The following DLGAP2 variants were observed in gnomAD, a reference collection of about 807,000 sequenced individuals.
DLGAP2 encodes DLG associated protein 2.
Under a neutral mutation model 100.3 loss-of-function variants are expected in DLGAP2, and 26 were observed. The ratio of observed to expected loss-of-function variants is 0.26; its 90% confidence interval spans 0.19 to 0.36. The LOEUF (loss-of-function observed/expected upper bound fraction) is 0.36, where lower values mean the gene tolerates loss of function less well. DLGAP2 is among the 10% of genes least tolerant of loss of function. The pLI, the probability that DLGAP2 is intolerant of heterozygous loss-of-function variation, is 1.00. For synonymous variants in DLGAP2, 886 were observed against 630.1 expected, an observed-to-expected ratio of 1.41 and a Z score of -6.08; for missense variants, 1,858 against 1,453.2, an observed-to-expected ratio of 1.28 and a Z score of -4.53.
At chr8:836,912 G>A (rs1401312164) in intron 1 of DLGAP2, among the ~76,000 whole-genome samples, 1 of 152,200 alleles carries the variant, frequency 6.6e-6, no homozygotes, top group Admixed American at 6.5e-5. Context: ...CTCTGCCAGC[G>A]CACATGCACA....
intron 1 of DLGAP2, among the ~76,000 whole-genome samples, chr8:810,441 G>A (rs1314166668): frequency 2.0e-5 from 3 of 152,226 alleles, no homozygotes; most frequent in Non-Finnish European, 4.4e-5. Flanking sequence ...ATATGAAGTT[G>A]TAAGTGCCTA....
At chr8:1,344,583 T>C (rs1009709741) in intron 3 of DLGAP2, among the ~76,000 whole-genome samples, 6 of 152,172 alleles carry the variant, frequency 3.9e-5, no homozygotes, top group African/African-American at 1.4e-4. Flanking sequence ...ATTCCTATGA[T>C]AGACTAAGAG....
intron 3 of DLGAP2, among the ~76,000 whole-genome samples, chr8:1,440,037 G>T (rs1306617484): frequency 6.6e-6 from 1 of 152,194 alleles, no homozygotes; most frequent in East Asian, 1.9e-4. Flanking sequence ...AGATACAGAT[G>T]TGGTTTAAAG....
At chr8:747,735 G>GGGGGGCTCTGCGGTGGGAT (rs1554554641) in intron 1 of DLGAP2, among the ~76,000 whole-genome samples, 1 of 27,748 alleles carries the variant, frequency 3.6e-5, no homozygotes. Flanking sequence ...GCGGTGGGAT[G>GGGGGGCTCTGCGGTGGGAT]GGGGGGCTCT....
At chr8:971,898 AG>A (rs1290791601) in intron 2 of DLGAP2, among the ~76,000 whole-genome samples, 4 of 152,188 alleles carry the variant, frequency 2.6e-5, no homozygotes, top group Non-Finnish European at 5.9e-5. Context: ...GTTGCAGCCC[AG>A]GGGTACAGGC....
intron 2 of DLGAP2, among the ~76,000 whole-genome samples, chr8:997,791 A>G (rs1800822415): frequency 6.6e-6 from 1 of 152,204 alleles, no homozygotes; most frequent in South Asian, 2.1e-4. Context: ...CTCTACCACA[A>G]AAAGTTAAAT....
intron 2 of DLGAP2, chr8:910,467 G>A (rs1362533732): frequency 6.6e-6 from 1 of 152,220 alleles, no homozygotes; most frequent in Non-Finnish European, 1.5e-5. Context: ...TCAGAAAAGT[G>A]TGTTTGTTGG....
intron 3 of DLGAP2, among the ~76,000 whole-genome samples, chr8:1,484,988 T>C (rs1332808885): frequency 6.6e-6 from 1 of 152,190 alleles, no homozygotes; most frequent in East Asian, 1.9e-4. Flanking sequence ...GGCATTATCT[T>C]AAATTCCGCT....
chr8:895,708 G>T (rs1319205288), intron 1 of DLGAP2, among the ~76,000 whole-genome samples: 2 of 152,200 alleles, frequency 1.3e-5, no homozygotes, highest in Non-Finnish European at 2.9e-5. Flanking sequence ...TATGGGACAG[G>T]AGGCTGCTGA....
chr8:756,470 T>TA (rs892193428), intron 1 of DLGAP2, among the ~76,000 whole-genome samples: 4 of 152,308 alleles, frequency 2.6e-5, no homozygotes, highest in African/African-American at 4.8e-5. Flanking sequence ...TAAGACACAA[T>TA]AAAAAATGCA....
intron 3 of DLGAP2, among the ~76,000 whole-genome samples, chr8:1,270,892 C>G (rs1481090654): frequency 6.6e-6 from 1 of 152,036 alleles, no homozygotes; most frequent in East Asian, 1.9e-4. Flanking sequence ...TCTAGATGTT[C>G]TTCGTAAATT....
At chr8:1,429,295 C>G (rs527518076) in intron 3 of DLGAP2, among the ~76,000 whole-genome samples, 1 of 152,030 alleles carries the variant, frequency 6.6e-6, no homozygotes, top group East Asian at 1.9e-4. Context: ...ACCATTTACA[C>G]GGGAGTTTGG....
chr8:1,095,283 A>G (rs1804330222), intron 2 of DLGAP2, among the ~76,000 whole-genome samples: 1 of 152,134 alleles, frequency 6.6e-6, no homozygotes, highest in Non-Finnish European at 1.5e-5. Context: ...GAACAGAGAG[A>G]TGGGTTTAGC....
intron 3 of DLGAP2, among the ~76,000 whole-genome samples, chr8:1,365,128 G>A (rs1028916049): frequency 2.0e-5 from 3 of 152,194 alleles, no homozygotes; most frequent in African/African-American, 4.8e-5. Flanking sequence ...GAGGTCAGGG[G>A]CCTGCAGTCA....
intron 2 of DLGAP2, among the ~76,000 whole-genome samples, chr8:1,194,975 C>G (rs974532725): frequency 2.0e-5 from 3 of 152,194 alleles, no homozygotes; most frequent in Non-Finnish European, 2.9e-5. Flanking sequence ...GGGCTGCACC[C>G]CCTCCGCTCT....
chr8:1,638,063 G>T (rs1797810555), intron 8 of DLGAP2, among the ~76,000 whole-genome samples: 1 of 152,198 alleles, frequency 6.6e-6, no homozygotes, highest in African/African-American at 2.4e-5. Flanking sequence ...TGGAAGGCAG[G>T]ACGGATGGGG....
intron 4 of DLGAP2, among the ~76,000 whole-genome samples, chr8:1,516,408 T>G (rs111163207): frequency 1.1e-4 from 17 of 148,580 alleles, no homozygotes; most frequent in African/African-American, 3.3e-4. Context: ...GGTGACTGAG[T>G]GAAAGAGTGA....
chr8:1,567,666 C>G (rs946951394), intron 6 of DLGAP2, among the ~76,000 whole-genome samples: 1 of 152,146 alleles, frequency 6.6e-6, no homozygotes, highest in East Asian at 1.9e-4. Context: ...AGGGACTGGC[C>G]CAGAGTCCTG....
intron 3 of DLGAP2, among the ~76,000 whole-genome samples, chr8:1,453,828 C>T (rs1293613763): frequency 6.6e-6 from 1 of 152,230 alleles, no homozygotes; most frequent in Non-Finnish European, 1.5e-5. Context: ...TGAAGAAAAA[C>T]GCCCCCTCAT....
Sources: gnomAD v4.1 joint callset for allele counts (sites outside exome capture counted in the v4.1 genomes callset) on GRCh38, gnomAD v4.1.1 for gene constraint, MANE v1.5 for transcripts, NCBI Gene and HGNC (gene_info 2026-07-23, HGNC 2026-07-21) for gene names.